The following TNS1 variants were observed in gnomAD, a reference collection of about 807,000 sequenced individuals.
TNS1 encodes tensin-1.
In TNS1, 62 loss-of-function variants were observed where a neutral mutation model predicts 168.6. The observed-to-expected ratio is 0.37, with a 90% CI of 0.30 to 0.45. TNS1 has a LOEUF of 0.45. Ranked by LOEUF, TNS1 falls within the 20% of genes least tolerant of loss-of-function variation. TNS1 has a pLI of 1.00. For synonymous variants in TNS1, 934 were observed against 933.2 expected, an observed-to-expected ratio of 1.00 and a Z score of -0.02; for missense variants, 2,240 against 2,339.4, an observed-to-expected ratio of 0.96 and a Z score of 0.88.
At chr2:217,985,206 G>A (rs1266458417) in intron 2 of TNS1, among the ~76,000 whole-genome samples, 2 of 151,804 alleles carry the variant, frequency 1.3e-5, no homozygotes, top group African/African-American at 4.8e-5. Context: ...ATCCCATCCA[G>A]TAGTGTTCAA....
At chr2:218,000,802 G>A (rs1434530472) in intron 1 of TNS1, among the ~76,000 whole-genome samples, 1 of 152,184 alleles carries the variant, frequency 6.6e-6, no homozygotes, top group Non-Finnish European at 1.5e-5. Flanking sequence ...AAAGGATGGG[G>A]ACTAGGAGAG....
intron 2 of TNS1, among the ~76,000 whole-genome samples, chr2:217,980,384 C>T (rs1430072829): frequency 6.6e-6 from 1 of 152,122 alleles, no homozygotes; most frequent in Non-Finnish European, 1.5e-5. Flanking sequence ...GGTGTTCCCT[C>T]TTGGACACCA....
intron 3 of TNS1, among the ~76,000 whole-genome samples, chr2:217,926,550 G>A (rs1444684031): frequency 6.6e-6 from 1 of 152,162 alleles, no homozygotes; most frequent in Non-Finnish European, 1.5e-5. Context: ...TCTGAGCTGG[G>A]TGCTTTACAT....
At chr2:217,836,642 T>A (rs906078539) in intron 19 of TNS1, among the ~76,000 whole-genome samples, 2 of 152,174 alleles carry the variant, frequency 1.3e-5, no homozygotes, top group African/African-American at 4.8e-5. Context: ...TGGAAAGGGC[T>A]AAATTGCATC....
chr2:218,021,241 CG>C (rs926764535), intron 1 of TNS1, among the ~76,000 whole-genome samples: 32 of 152,220 alleles, frequency 2.1e-4, no homozygotes, highest in African/African-American at 7.5e-4. Flanking sequence ...AGAGGGGAAA[CG>C]GAGGCCCAGG....
chr2:217,814,560 C>T (rs1941560454), intron 25 of TNS1, among the ~76,000 whole-genome samples: 1 of 152,136 alleles, frequency 6.6e-6, no homozygotes, highest in African/African-American at 2.4e-5. Flanking sequence ...GAGAATCATT[C>T]CCCTATTCCC....
At chr2:217,966,948 C>T (rs1480055300) in intron 3 of TNS1, among the ~76,000 whole-genome samples, 2 of 152,206 alleles carry the variant, frequency 1.3e-5, no homozygotes, top group African/African-American at 4.8e-5. Context: ...TGAACAATCA[C>T]ATCTGCTTTA....
intron 3 of TNS1, among the ~76,000 whole-genome samples, chr2:217,968,378 A>T (rs1394407614): frequency 6.6e-6 from 1 of 152,216 alleles, no homozygotes; most frequent in African/African-American, 2.4e-5. Flanking sequence ...ATCATCTTGT[A>T]TGTAGAAAAT....
intron 18 of TNS1, chr2:217,858,517 A>G: frequency 1.0e-6 from 1 of 986,160 alleles, no homozygotes; most frequent in Non-Finnish European, 1.2e-6. Context: ...AGGGAGAGGG[A>G]GGAAGCGGAG....
At position 218,008,240 on chromosome 2, in the gene TNS1, T is replaced by A. The variant is rs144753727; in HGVS notation, c.96+1860A>T. On this transcript the variant is annotated intron_variant, in intron 1 of 32. Transcript: ENST00000646520. The stretch of plus-strand genomic sequence containing the variant: ...CCACAATCTTGATCTCTTCCCCAGC[T>A]CTAATTTCCTGCCTGACTCAGGCCC... Among the ~76,000 whole-genome samples, 323 of 152,204 alleles carry A rather than the reference T, an allele frequency of 2.1e-3. 2 individuals carry two copies. Among genetic ancestry groups the A allele is most frequent in the South Asian group, 4.0e-3 (19 of 4,808 alleles).
upstream of TNS1, among the ~76,000 whole-genome samples, chr2:218,011,669 T>G (rs1282773150): frequency 6.6e-6 from 1 of 152,030 alleles, no homozygotes; most frequent in East Asian, 1.9e-4. Context: ...AGCTCACCCC[T>G]GCCCCCAAGC....
intron 2 of TNS1, among the ~76,000 whole-genome samples, chr2:217,989,657 G>A (rs1005887624): frequency 3.0e-4 from 45 of 152,184 alleles, no homozygotes; most frequent in African/African-American, 8.9e-4. Flanking sequence ...TGAAAATAGC[G>A]ATTGAAAAGC....
intron 4 of TNS1, among the ~76,000 whole-genome samples, chr2:217,918,071 C>T (rs1308783144): frequency 2.0e-5 from 3 of 152,170 alleles, no homozygotes; most frequent in Non-Finnish European, 4.4e-5. Flanking sequence ...AAAAGGAAAC[C>T]TGTCACGTAG....
At chr2:217,952,281 T>C (rs1312388506) in intron 3 of TNS1, among the ~76,000 whole-genome samples, 2 of 152,208 alleles carry the variant, frequency 1.3e-5, no homozygotes, top group Non-Finnish European at 2.9e-5. Context: ...CTTTGTACAG[T>C]TGAGAGAGCT....
At chr2:217,814,607 C>T (rs1941567806) in intron 25 of TNS1, among the ~76,000 whole-genome samples, 2 of 152,234 alleles carry the variant, frequency 1.3e-5, no homozygotes, top group Admixed American at 6.5e-5. Flanking sequence ...GCAAAAACCT[C>T]CCACATCAGG....
chr2:217,924,106 C>T (rs565351088), intron 3 of TNS1, among the ~76,000 whole-genome samples: 123 of 152,330 alleles, frequency 8.1e-4, no homozygotes, highest in African/African-American at 2.9e-3. Context: ...GGACCCGAAG[C>T]CACACACAGA....
At chr2:217,918,273 C>G (rs1189313760) in intron 4 of TNS1, among the ~76,000 whole-genome samples, 1 of 152,218 alleles carries the variant, frequency 6.6e-6, no homozygotes, top group Non-Finnish European at 1.5e-5. Flanking sequence ...TTAGCAATGT[C>G]AGGGTCGTAC....
At chr2:217,811,546 T>C (rs189085052) in intron 28 of TNS1, among the ~76,000 whole-genome samples, 2 of 152,286 alleles carry the variant, frequency 1.3e-5, no homozygotes, top group Admixed American at 1.3e-4. Context: ...CTAGGAGCGC[T>C]TCTGAAGGTC....
In TNS1 at chr2:217,948,484, G is replaced by T. The variant is rs571808578; in HGVS notation, c.187-28248C>A. On this transcript the variant is annotated intron_variant, in intron 3 of 32. Coordinates refer to ENST00000682258, the MANE Select transcript of TNS1 (RefSeq NM_001387777.1). This position sits in a 1 kb window ranked among gnomAD's most constrained non-coding sequence, Gnocchi z 4.1. ...ACCCCATAGGGAGCCAGGCCCCAGG[G>T]GCCACTCTAGGCATGCAATGTCTAT... 2.9e-4 allele frequency among the ~76,000 whole-genome samples: 44 copies of T among 152,078 alleles called. No homozygotes were observed. The highest frequency in any genetic ancestry group is 9.6e-4 in the African/African-American group (40 of 41,478).
Sources: allele counts gnomAD v4.1 joint callset (sites outside exome capture counted in the v4.1 genomes callset), GRCh38; gene constraint gnomAD v4.1.1; non-coding constraint Gnocchi (gnomAD v3.1); transcripts MANE v1.5; gene names NCBI Gene and HGNC (gene_info 2026-07-23, HGNC 2026-07-21).